The following NPR3 variants were observed in gnomAD, a reference collection of about 807,000 sequenced individuals.
The protein encoded by NPR3 is atrial natriuretic peptide receptor 3.
In NPR3, 34 loss-of-function variants were observed where a neutral mutation model predicts 54.5. The observed-to-expected ratio is 0.62, with a 90% CI of 0.47 to 0.83. The LOEUF is 0.83. NPR3 is among the 40% of genes least tolerant of loss of function. The pLI is 0.00. For synonymous variants in NPR3, 289 were observed against 297.1 expected (o/e 0.97, Z 0.28); for missense variants, 674 against 720.8 (o/e 0.94, Z 0.74).
chr5:32,774,441 C>G (rs999516532), intron 3 of NPR3, among the ~76,000 whole-genome samples: 1 of 152,128 alleles, frequency 6.6e-6, no homozygotes, highest in African/African-American at 2.4e-5. Context: ...CAAAGGTGGG[C>G]ACACTTGAAA....
intron 3 of NPR3, among the ~76,000 whole-genome samples, chr5:32,752,278 G>GT (rs1290154134): frequency 6.6e-6 from 1 of 152,110 alleles, no homozygotes; most frequent in African/African-American, 2.4e-5. Flanking sequence ...TTTGATACTA[G>GT]TTTTGCACAG....
rs1377846897 is a variant in NPR3 at position 32,730,147 on chromosome 5, T to A, written c.892+5327T>A. On this transcript the variant is annotated intron_variant, in intron 2 of 7. Coordinates refer to ENST00000265074, the MANE Select transcript of NPR3 (RefSeq NM_001204375.2). ...CGGGGTTTATCCCAGGGATGCAAAGTTGGTTGTATATTTGAAAAGCAATCA... is the reference window on the plus strand; with the variant it reads ...CGGGGTTTATCCCAGGGATGCAAAGATGGTTGTATATTTGAAAAGCAATCA... 2.6e-5 allele frequency among the ~76,000 whole-genome samples: 4 copies of A among 152,118 alleles called. No homozygotes were observed. In the South Asian group the frequency reaches 8.3e-4, roughly 32 times the overall value.
chr5:32,712,705 C>A (rs1738325551), intron 1 of NPR3, among the ~76,000 whole-genome samples, 160 bp downstream of exon 1: 1 of 152,226 alleles, frequency 6.6e-6, no homozygotes, highest in Non-Finnish European at 1.5e-5. Context: ...GCTGCGACAA[C>A]CTTTGACGAC....
At chr5:32,761,701 ATATGGTAAC>A in intron 3 of NPR3, among the ~76,000 whole-genome samples, 1 of 151,198 alleles carries the variant, frequency 6.6e-6, no homozygotes, top group Non-Finnish European at 1.5e-5. Flanking sequence ...GAGATTACTC[ATATGGTAAC>A]TCTCTTTGGC....
intron 1 of NPR3, among the ~76,000 whole-genome samples, chr5:32,714,165 G>T (rs1319106117): frequency 1.3e-5 from 2 of 152,254 alleles, no homozygotes; most frequent in African/African-American, 4.8e-5. Context: ...TCCCAAGGCC[G>T]GCTGGGACTG....
intron 4 of NPR3, among the ~76,000 whole-genome samples, chr5:32,777,675 T>G (rs1742128335): frequency 6.6e-6 from 1 of 152,154 alleles, no homozygotes; most frequent in African/African-American, 2.4e-5. Context: ...CTGGGCAGTA[T>G]CTATGGTGGC....
chr5:32,759,235 G>A (rs557690007), intron 3 of NPR3, among the ~76,000 whole-genome samples: 3 of 152,338 alleles, frequency 2.0e-5, no homozygotes, highest in Admixed American at 2.0e-4. Flanking sequence ...TTGTGTGGGA[G>A]TCTAAGTCTC....
chr5:32,720,908 AT>A (rs1266733778), intron 1 of NPR3, among the ~76,000 whole-genome samples: 2 of 152,206 alleles, frequency 1.3e-5, no homozygotes. Context: ...GGTTGTGCTT[AT>A]TATGATAAAT....
At chr5:32,724,889 G>A in intron 2 of NPR3, 69 bp downstream of exon 2, 2 of 1,563,868 alleles carry the variant, frequency 1.3e-6, no homozygotes, top group Non-Finnish European at 1.8e-6. Context: ...CCCATGAATG[G>A]TGGGTTGGAT....
upstream of NPR3, chr5:32,710,320 G>A: frequency 6.2e-6 from 1 of 161,096 alleles, no homozygotes; most frequent in Non-Finnish European, 1.4e-5. Context: ...GGAGGGGAGC[G>A]TGTGTCGTAC....
intron 3 of NPR3, among the ~76,000 whole-genome samples, chr5:32,769,550 G>A (rs1223466745): frequency 6.6e-6 from 1 of 152,212 alleles, no homozygotes; most frequent in Admixed American, 6.5e-5. Context: ...CATGTCTTTT[G>A]CAAGAGAGTC....
intron 3 of NPR3, among the ~76,000 whole-genome samples, chr5:32,760,767 T>C (rs2112012236): frequency 6.6e-6 from 1 of 152,106 alleles, no homozygotes; most frequent in African/African-American, 2.4e-5. Context: ...GTCACAAAGA[T>C]ATTTTCTGGT....
chr5:32,751,354 A>G (rs189635318), intron 3 of NPR3, among the ~76,000 whole-genome samples: 35 of 152,320 alleles, frequency 2.3e-4, no homozygotes, highest in Non-Finnish European at 2.9e-5. Context: ...TAGAGAGCAG[A>G]GACCATCTCC....
intron 1 of NPR3, among the ~76,000 whole-genome samples, chr5:32,713,968 T>G (rs1046717535): frequency 3.3e-5 from 5 of 152,250 alleles, no homozygotes; most frequent in African/African-American, 1.2e-4. Flanking sequence ...GGCACGTGTG[T>G]CCAACGGCTG....
At chr5:32,754,012 C>T (rs1740707991) in intron 3 of NPR3, among the ~76,000 whole-genome samples, 1 of 152,180 alleles carries the variant, frequency 6.6e-6, no homozygotes, top group Non-Finnish European at 1.5e-5. Context: ...GTCAGCCTTC[C>T]AGCTTGGAAG....
Position 32,711,872 on chromosome 5 carries a change from C to CGGCGGT in NPR3, c.101_106dup (p.Gly34_Gly35dup). 6.8e-7 allele frequency: 1 copy of CGGCGGT among 1,463,692 alleles called. No individual in the cohort carries two copies. The highest frequency in any genetic ancestry group is 9.0e-7 in the Non-Finnish European group (1 of 1,110,230). 90.7% of individuals were successfully genotyped at this position (1,463,692 alleles called of 1,614,324 possible). On this transcript the variant is annotated inframe_insertion, in exon 1 of 8. Transcript: ENST00000265074. ...CCGGTGGCGGTGGCGTTGGCGGCGG[C>CGGCGGT]GGCGGTGGCGCGGGCATAGGCGGCG...
intron 1 of NPR3, among the ~76,000 whole-genome samples, chr5:32,691,519 T>C (rs1022610426): frequency 8.5e-5 from 13 of 152,296 alleles, no homozygotes; most frequent in African/African-American, 2.9e-4. Context: ...TTAGGAAAGA[T>C]CTCAGGAAAC....
In NPR3 at chr5:32,791,484, T is replaced by G. The variant is rs187004845; in HGVS notation, c.*5139T>G. On this transcript the variant is annotated 3_prime_UTR_variant, in exon 8 of 8. Transcript: ENST00000265074. ...TGTACAACTAACTATTTGCATATAA[T>G]GTGATTTAATTTATTGCTGTTTTGT... The G allele has an allele frequency of 6.0e-6, 1 of 167,128 alleles. No individual in the cohort carries two copies. The highest frequency in any genetic ancestry group is 2.4e-5 in the African/African-American group (1 of 41,472). 10.4% of individuals were successfully genotyped at this position (167,128 alleles called of 1,614,324 possible).
chr5:32,761,271 G>A (rs1187188320), intron 3 of NPR3, among the ~76,000 whole-genome samples: 1 of 151,982 alleles, frequency 6.6e-6, no homozygotes, highest in Non-Finnish European at 1.5e-5. Context: ...CAATTTGGGG[G>A]AAAACTGACA....
Sources: gnomAD v4.1 joint callset for allele counts (sites outside exome capture counted in the v4.1 genomes callset) on GRCh38, gnomAD v4.1.1 for gene constraint, MANE v1.5 for transcripts, NCBI Gene and HGNC (gene_info 2026-07-23, HGNC 2026-07-21) for gene names.